NXPH1: variants seen among roughly 807,000 people sequenced by gnomAD.
The protein encoded by NXPH1 is neurexophilin 1, also known as neurexophilin-1.
Under a neutral mutation model 23.7 loss-of-function variants are expected in NXPH1, and 5 were observed. The ratio of observed to expected loss-of-function variants is 0.21; its 90% confidence interval spans 0.11 to 0.44. NXPH1 has a LOEUF of 0.44. Ranked by LOEUF, NXPH1 falls within the 20% of genes least tolerant of loss-of-function variation. The probability of loss-of-function intolerance (pLI) is 0.99; values close to 1 mark genes in which losing one functional copy is unlikely to be tolerated. For missense variants in NXPH1, 324 were observed against 321.6 expected, an observed-to-expected ratio of 1.01 and a Z score of -0.06; for synonymous variants, 144 against 122.2, an observed-to-expected ratio of 1.18 and a Z score of -1.18.
At chr7:8,492,716 A>G (rs1013109429) in intron 2 of NXPH1, among the ~76,000 whole-genome samples, 1 of 152,038 alleles carries the variant, frequency 6.6e-6, no homozygotes, top group African/African-American at 2.4e-5. Context: ...GGAAAGCACA[A>G]TAATGCTGAT....
At chr7:8,457,683 C>T (rs996072762) in intron 2 of NXPH1, among the ~76,000 whole-genome samples, 1 of 152,008 alleles carries the variant, frequency 6.6e-6, no homozygotes, top group South Asian at 2.1e-4. Context: ...CAGCATTCTC[C>T]TTGACTGGAG....
intron 2 of NXPH1, among the ~76,000 whole-genome samples, chr7:8,554,627 G>T (rs1428034499): frequency 1.3e-5 from 2 of 151,634 alleles, no homozygotes; most frequent in Non-Finnish European, 3.0e-5. Flanking sequence ...GAGTATTTGG[G>T]TAGAAAAGAG....
chr7:8,631,937 A>C (rs1222995934), intron 2 of NXPH1, among the ~76,000 whole-genome samples: 3 of 152,178 alleles, frequency 2.0e-5, no homozygotes, highest in African/African-American at 7.2e-5. Flanking sequence ...ACATTTTTGT[A>C]ATAATAAATG....
chr7:8,447,766 G>A (rs1045832283), intron 2 of NXPH1, among the ~76,000 whole-genome samples: 4 of 152,164 alleles, frequency 2.6e-5, no homozygotes, highest in Non-Finnish European at 2.9e-5. Context: ...ATTAATATGT[G>A]GCCAGATGCA....
chr7:8,747,829 A>C (rs1336942993), intron 2 of NXPH1, among the ~76,000 whole-genome samples: 1 of 152,168 alleles, frequency 6.6e-6, no homozygotes, highest in East Asian at 1.9e-4. Flanking sequence ...GATTAATGTT[A>C]GTTTTAAATT....
At chr7:8,466,544 T>A (rs1816788872) in intron 2 of NXPH1, among the ~76,000 whole-genome samples, 1 of 152,202 alleles carries the variant, frequency 6.6e-6, no homozygotes, top group Admixed American at 6.5e-5. Flanking sequence ...TCTATTCATG[T>A]TCTTTTTTCT....
intron 2 of NXPH1, among the ~76,000 whole-genome samples, chr7:8,750,126 G>T (rs2115235547): frequency 6.6e-6 from 1 of 152,192 alleles, no homozygotes; most frequent in Admixed American, 6.5e-5. Context: ...AGCCCTGCAA[G>T]GTAAAAAATT....
intron 2 of NXPH1, among the ~76,000 whole-genome samples, chr7:8,715,334 A>G (rs2115201281): frequency 6.6e-6 from 1 of 152,234 alleles, no homozygotes; most frequent in East Asian, 1.9e-4. Flanking sequence ...TCAAAATTTG[A>G]GATTGTCTTT....
intron 2 of NXPH1, among the ~76,000 whole-genome samples, chr7:8,477,157 G>T (rs1816988004): frequency 6.6e-6 from 1 of 152,062 alleles, no homozygotes; most frequent in Non-Finnish European, 1.5e-5. Context: ...ACAACCATAT[G>T]GGGCATGACT....
chr7:8,740,973 C>T (rs1405421797), intron 2 of NXPH1, among the ~76,000 whole-genome samples: 1 of 152,102 alleles, frequency 6.6e-6, no homozygotes, highest in Non-Finnish European at 1.5e-5. Context: ...ACTGTAGTCA[C>T]CATGTTGTAC....
chr7:8,467,582 T>C (rs1187410966), intron 2 of NXPH1, among the ~76,000 whole-genome samples: 2 of 152,136 alleles, frequency 1.3e-5, no homozygotes, highest in Non-Finnish European at 2.9e-5. Flanking sequence ...AAGTGAGGGA[T>C]ATATAGCGGT....
intron 2 of NXPH1, among the ~76,000 whole-genome samples, chr7:8,524,485 A>T (rs750810735): frequency 5.9e-5 from 9 of 152,054 alleles, no homozygotes; most frequent in Non-Finnish European, 1.3e-4. Context: ...ACTGACTGAC[A>T]ATTACCTTTT....
At chr7:8,565,143 C>T (rs888787025) in intron 2 of NXPH1, among the ~76,000 whole-genome samples, 5 of 151,692 alleles carry the variant, frequency 3.3e-5, no homozygotes, top group Non-Finnish European at 1.5e-5. Context: ...TTTTCTTTCT[C>T]GTAGTTTTCA....
intron 2 of NXPH1, among the ~76,000 whole-genome samples, chr7:8,478,312 C>G (rs1584182527): frequency 6.6e-6 from 1 of 151,914 alleles, no homozygotes; most frequent in East Asian, 1.9e-4. Context: ...AAGAAAATGG[C>G]TCAATATATG....
At chr7:8,620,864 T>A (rs960603442) in intron 2 of NXPH1, among the ~76,000 whole-genome samples, 2 of 152,220 alleles carry the variant, frequency 1.3e-5, no homozygotes, top group Non-Finnish European at 2.9e-5. Flanking sequence ...TGTTCCAATT[T>A]GATCTGATCT....
At chr7:8,615,138 C>T (rs768861987) in intron 2 of NXPH1, among the ~76,000 whole-genome samples, 23 of 151,960 alleles carry the variant, frequency 1.5e-4, no homozygotes, top group Non-Finnish European at 2.5e-4. Context: ...GGAAAATGTA[C>T]GAATTAGATG....
chr7:8,603,606 C>G (rs1245058414), intron 2 of NXPH1, among the ~76,000 whole-genome samples: 4 of 152,086 alleles, frequency 2.6e-5, no homozygotes, highest in African/African-American at 4.8e-5. Flanking sequence ...ATCTTTTCAG[C>G]TTTTACCTAT....
intron 2 of NXPH1, among the ~76,000 whole-genome samples, chr7:8,669,835 T>C (rs1323658746): frequency 6.6e-6 from 1 of 152,232 alleles, no homozygotes; most frequent in African/African-American, 2.4e-5. Flanking sequence ...TCTTTTCTTA[T>C]TTTTGTGTCA....
chr7:8,626,486 C>G (rs1819991447), intron 2 of NXPH1, among the ~76,000 whole-genome samples: 3 of 151,710 alleles, frequency 2.0e-5, no homozygotes, highest in Admixed American at 6.6e-5. Flanking sequence ...TACTTTCTCA[C>G]TGCCATGAGG....
Sources: allele counts gnomAD v4.1 joint callset (sites outside exome capture counted in the v4.1 genomes callset), GRCh38; gene constraint gnomAD v4.1.1; transcripts MANE v1.5; gene names NCBI Gene and HGNC (gene_info 2026-07-23, HGNC 2026-07-21).